The following DTNA variants were observed in gnomAD, a reference collection of about 807,000 sequenced individuals.
DTNA encodes the protein dystrobrevin alpha.
DTNA carries 43 observed loss-of-function variants against 100.7 expected under a neutral mutation model. That is an observed-to-expected ratio of 0.43 (90% confidence interval 0.33 to 0.55). The LOEUF (loss-of-function observed/expected upper bound fraction) is 0.55, where lower values mean the gene tolerates loss of function less well. DTNA is among the 20% of genes least tolerant of loss of function. The pLI is 0.04. For synonymous variants in DTNA, 349 were observed against 347.9 expected (o/e 1.00, Z -0.04); for missense variants, 798 against 953.9 (o/e 0.84, Z 2.15).
At chr18:34,838,272 T>C in intron 12 of DTNA, 101 bp downstream of exon 12, 2 of 1,317,992 alleles carry the variant, frequency 1.5e-6, no homozygotes, top group Non-Finnish European at 2.1e-6. Flanking sequence ...CTGTCTTTGA[T>C]TCAGTAAAAG....
chr18:34,531,324 T>G (rs769789846), intron 1 of DTNA, among the ~76,000 whole-genome samples: 2 of 152,132 alleles, frequency 1.3e-5, no homozygotes, highest in African/African-American at 2.4e-5. Context: ...TGTGTGACTT[T>G]AAGCCAGTCA....
At chr18:34,526,911 G>A (rs889867605) in intron 1 of DTNA, among the ~76,000 whole-genome samples, 7 of 152,080 alleles carry the variant, frequency 4.6e-5, no homozygotes, top group East Asian at 1.9e-4. Context: ...TCTGTTAAGA[G>A]GTGCAGGCAA....
chr18:34,564,529 A>G (rs764773842), intron 1 of DTNA, among the ~76,000 whole-genome samples: 3 of 152,230 alleles, frequency 2.0e-5, no homozygotes, highest in African/African-American at 7.2e-5. Context: ...AAGAAACTCT[A>G]CTGGGAGCAT....
chr18:34,579,750 G>C (rs79248106), intron 1 of DTNA, among the ~76,000 whole-genome samples: 2 of 152,160 alleles, frequency 1.3e-5, no homozygotes, highest in African/African-American at 2.4e-5. Context: ...ATGCCTCAAC[G>C]TGTTGTTGGT....
intron 1 of DTNA, among the ~76,000 whole-genome samples, chr18:34,652,552 C>T (rs1040642277): frequency 6.6e-6 from 1 of 152,136 alleles, no homozygotes; most frequent in African/African-American, 2.4e-5. Context: ...AGCTATCACC[C>T]TTCCAATGTC....
intron 1 of DTNA, among the ~76,000 whole-genome samples, chr18:34,737,359 T>G (rs1436978045): frequency 2.0e-5 from 3 of 152,170 alleles, no homozygotes; most frequent in African/African-American, 7.2e-5. Context: ...CTAAGCGAAA[T>G]AGTAATTATT....
intron 1 of DTNA, among the ~76,000 whole-genome samples, chr18:34,528,790 A>G (rs2042884107): frequency 6.6e-6 from 1 of 152,082 alleles, no homozygotes. Flanking sequence ...AAAATAGATA[A>G]TTTGACTTGA....
chr18:34,554,220 AT>A (rs1228868583), intron 1 of DTNA, among the ~76,000 whole-genome samples: 1 of 135,130 alleles, frequency 7.4e-6, no homozygotes, highest in Non-Finnish European at 1.6e-5. Flanking sequence ...TTGTACATTG[AT>A]TTTGTATCCT....
intron 1 of DTNA, among the ~76,000 whole-genome samples, chr18:34,570,447 G>C (rs1162658197): frequency 6.6e-6 from 1 of 152,278 alleles, no homozygotes; most frequent in East Asian, 1.9e-4. Context: ...TGAAAGCAGG[G>C]ACAGAGTCTT....
intron 1 of DTNA, among the ~76,000 whole-genome samples, chr18:34,580,287 A>C (rs892534612): frequency 6.6e-5 from 10 of 152,136 alleles, no homozygotes; most frequent in African/African-American, 2.4e-4. Flanking sequence ...TGCCTGCTAT[A>C]TCCAACATTT....
At chr18:34,600,140 G>A (rs763284317) in intron 1 of DTNA, among the ~76,000 whole-genome samples, 4 of 152,088 alleles carry the variant, frequency 2.6e-5, no homozygotes, top group Non-Finnish European at 4.4e-5. Flanking sequence ...CTCTTGTTTA[G>A]GAGATACTTA....
At chr18:34,663,311 C>T (rs112197490) in intron 1 of DTNA, among the ~76,000 whole-genome samples, 3,989 of 152,100 alleles carry the variant, frequency 0.026, 183 homozygotes, top group African/African-American at 0.092. Context: ...GTGCATGCCA[C>T]CACGCCTGGC....
At chr18:34,581,284 AC>A (rs776447167) in intron 1 of DTNA, among the ~76,000 whole-genome samples, 1 of 151,756 alleles carries the variant, frequency 6.6e-6, no homozygotes, top group Non-Finnish European at 1.5e-5. Context: ...AAAAAACAAA[AC>A]AAAAAAGAAA....
At chr18:34,868,085 A>G (rs1313866841) in intron 17 of DTNA, 1 of 875,530 alleles carries the variant, frequency 1.1e-6, no homozygotes, top group Non-Finnish European at 1.4e-6. Flanking sequence ...CAAAAACTAA[A>G]GAAAATAAAA....
chr18:34,602,000 C>A (rs373979159), intron 1 of DTNA, among the ~76,000 whole-genome samples: 1 of 152,176 alleles, frequency 6.6e-6, no homozygotes, highest in East Asian at 1.9e-4. Context: ...TAATCCTCAG[C>A]CCCCACTTTA....
chr18:34,861,276 G>A (rs1341804613), intron 16 of DTNA, among the ~76,000 whole-genome samples: 1 of 151,868 alleles, frequency 6.6e-6, no homozygotes, highest in Non-Finnish European at 1.5e-5. Context: ...ACGAGGTCAG[G>A]AGATCGAGAC....
intron 1 of DTNA, among the ~76,000 whole-genome samples, chr18:34,529,035 CT>C (rs1357799098): frequency 1.3e-5 from 2 of 152,116 alleles, no homozygotes; most frequent in Non-Finnish European, 2.9e-5. Flanking sequence ...GCCTCTGCCC[CT>C]ATTCCTTTCA....
intron 1 of DTNA, among the ~76,000 whole-genome samples, chr18:34,595,864 G>A (rs142410485): frequency 6.6e-6 from 1 of 152,288 alleles, no homozygotes; most frequent in East Asian, 1.9e-4. Flanking sequence ...TACAACTCCT[G>A]ATGTTCCCTG....
rs7242997 is a variant in DTNA at position 34,634,606 on chromosome 18, C to T, written c.-1-121370C>T. Among the ~76,000 whole-genome samples, 781 of 152,180 alleles carry T rather than the reference C, an allele frequency of 5.1e-3. 5 individuals carry two copies. Among genetic ancestry groups the T allele is most frequent in the African/African-American group, 0.018 (749 of 41,518 alleles). Reference sequence around the variant, plus strand: ...ATCCAGTCTCACACATATATGTAGTCAGAAAAGGCAAGAGCATTTTCATAG... The same window carrying T: ...ATCCAGTCTCACACATATATGTAGTTAGAAAAGGCAAGAGCATTTTCATAG... On this transcript the variant is annotated intron_variant, in intron 1 of 19. Transcript: ENST00000283365.
Sources: gnomAD v4.1 joint callset for allele counts (sites outside exome capture counted in the v4.1 genomes callset) on GRCh38, gnomAD v4.1.1 for gene constraint, MANE v1.5 for transcripts, NCBI Gene and HGNC (gene_info 2026-07-23, HGNC 2026-07-21) for gene names.